The following SIDT1 variants were observed in gnomAD, a reference collection of about 807,000 sequenced individuals.
The protein encoded by SIDT1 is SID1 transmembrane family member 1.
A neutral mutation model predicts 107.5 loss-of-function variants in SIDT1; 101 were observed. The observed-to-expected ratio is 0.94, with a 90% CI of 0.80 to 1.11. SIDT1 has a LOEUF of 1.11. Ranked by LOEUF, SIDT1 falls within the 50% of genes least tolerant of loss-of-function variation. The pLI, the probability that SIDT1 is intolerant of heterozygous loss-of-function variation, is 0.00. For missense variants in SIDT1, 1,076 were observed against 1,058.2 expected (o/e 1.02, Z -0.23); for synonymous variants, 395 against 398.2 (o/e 0.99, Z 0.10).
chr3:113,576,146 T>A (rs1328723478), intron 3 of SIDT1, among the ~76,000 whole-genome samples: 2 of 152,224 alleles, frequency 1.3e-5, no homozygotes, highest in Non-Finnish European at 2.9e-5. Flanking sequence ...ATACTACCAA[T>A]TTATGCTTCC....
Position 113,627,754 on chromosome 3 carries a change from GT to G in SIDT1, c.*49del, listed in dbSNP as rs1444518330. ...GGAGGGAGCGATCAATCTTGGTGCTGTTTCACAAAAATTACAGTGACCACAG... is the reference window on the plus strand; with the variant it reads ...GGAGGGAGCGATCAATCTTGGTGCTGTTCACAAAAATTACAGTGACCACAG... On this transcript the variant is annotated 3_prime_UTR_variant, in exon 25 of 25. Coordinates refer to ENST00000264852, the MANE Select transcript of SIDT1 (RefSeq NM_017699.3). 15 of 1,588,392 alleles carry G rather than the reference GT, an allele frequency of 9.4e-6. No homozygotes were observed. The highest frequency in any genetic ancestry group is 1.2e-5 in the Non-Finnish European group (14 of 1,158,504).
chr3:113,634,851 C>T, the SIDT1 span, among the ~76,000 whole-genome samples: 16 of 152,216 alleles, frequency 1.1e-4, no homozygotes, highest in African/African-American at 3.9e-4. Flanking sequence ...TTCCAAAATA[C>T]GGAAGACATA....
Position 113,626,195 on chromosome 3 carries a change from GCT to G in SIDT1, c.2404_2405del (p.Leu802ValfsTer12), listed in dbSNP as rs1946838014. ...CATCTGGCACTTCCTCTCTGCTACT[GCT>G]CTGTTTTTCTCATTCTTGGTGAGTT... ...HDIWHFLSAT[A>X]LFFSFLVLLT... On this transcript the variant is annotated frameshift_variant, in exon 24 of 25. Coordinates refer to ENST00000264852, the MANE Select transcript of SIDT1 (RefSeq NM_017699.3). LOFTEE classifies it high-confidence loss of function. 2 of 1,612,698 alleles carry G rather than the reference GCT, an allele frequency of 1.2e-6. No individual in the cohort carries two copies. Among genetic ancestry groups the G allele is most frequent in the African/African-American group, 1.3e-5 (1 of 74,844 alleles).
At chr3:113,567,402 C>T in intron 2 of SIDT1, 138 bp from the exon 3 acceptor site, 1 of 652,292 alleles carries the variant, frequency 1.5e-6, no homozygotes, top group Non-Finnish European at 2.6e-6. Flanking sequence ...ATTGATAGTT[C>T]CAGTCTAAAA....
intron 8 of SIDT1, 39 bp from the exon 9 acceptor site, chr3:113,585,138 C>T: frequency 7.1e-7 from 1 of 1,399,952 alleles, no homozygotes; most frequent in Non-Finnish European, 1.0e-6. Context: ...TTCTTTTCTG[C>T]AGAGGATGAC....
chr3:113,573,904 AC>A (rs1490633824), intron 3 of SIDT1, among the ~76,000 whole-genome samples: 6 of 152,186 alleles, frequency 3.9e-5, no homozygotes, highest in African/African-American at 1.4e-4. Context: ...GGTGACTCTT[AC>A]CCTTAGCAAA....
chr3:113,568,606 GAAA>G (rs1942150709), intron 3 of SIDT1, among the ~76,000 whole-genome samples: 1 of 81,130 alleles, frequency 1.2e-5, no homozygotes. Context: ...AAAAAAAAAA[GAAA>G]AGAAAAGAAA....
intron 3 of SIDT1, among the ~76,000 whole-genome samples, chr3:113,572,033 G>T (rs756192158): frequency 6.6e-6 from 1 of 152,212 alleles, no homozygotes; most frequent in Non-Finnish European, 1.5e-5. Flanking sequence ...AAGTTAGAAG[G>T]CTGATGCAGT....
intron 5 of SIDT1, among the ~76,000 whole-genome samples, 194 bp downstream of exon 5, chr3:113,580,903 A>G (rs1943278155): frequency 6.6e-6 from 1 of 152,202 alleles, no homozygotes; most frequent in Non-Finnish European, 1.5e-5. Context: ...GTGGTAAAGA[A>G]TAGTTAACTC....
intron 21 of SIDT1, among the ~76,000 whole-genome samples, chr3:113,623,086 G>A (rs1946575875): frequency 1.3e-5 from 2 of 149,578 alleles, no homozygotes; most frequent in South Asian, 2.1e-4. Context: ...GGATACCAGA[G>A]AGGTTGAAGT....
At chr3:113,611,702 G>A (rs969520292) in intron 18 of SIDT1, among the ~76,000 whole-genome samples, 7 of 152,228 alleles carry the variant, frequency 4.6e-5, no homozygotes, top group South Asian at 2.1e-4. Context: ...CCCGACTCAT[G>A]TGAAAGTGGA....
At chr3:113,581,525 G>T in intron 6 of SIDT1, 81 bp downstream of exon 6, 1 of 1,123,666 alleles carries the variant, frequency 8.9e-7, no homozygotes, top group Non-Finnish European at 1.4e-6. Flanking sequence ...CATCCAAAAG[G>T]GATGGCCATC....
In SIDT1 at chr3:113,545,114, TAAAAAA is replaced by T. The variant is rs554009768; in HGVS notation, c.222+11893_222+11898del. On this transcript the variant is annotated intron_variant, in intron 1 of 24. Transcript: ENST00000264852. ...CGGGCGACAGAGCGAGAGACTCTGTTAAAAAAAAAAAAAAAAAAAAAAAAAAAGTCA... is the reference window on the plus strand; with the variant it reads ...CGGGCGACAGAGCGAGAGACTCTGTTAAAAAAAAAAAAAAAAAAAAAGTCA... Among the ~76,000 whole-genome samples, 68 of 73,970 alleles carry T rather than the reference TAAAAAA, an allele frequency of 9.2e-4. 1 individual carries two copies. The highest frequency in any genetic ancestry group is 3.3e-3 in the African/African-American group (56 of 17,204). 48.5% of individuals were successfully genotyped at this position (73,970 alleles called of 152,430 possible). A position where few individuals can be genotyped will look rare whatever the true frequency, so the allele number is the denominator to read the frequency against.
Position 113,584,430 on chromosome 3 carries a change from C to T in SIDT1, c.836-268C>T, listed in dbSNP as rs59925484. ...CCCCTCTTCATTGGAGAAGGGAGGC[C>T]GCAATCTTGTTTGCATCTGTTAGTG... On this transcript the variant is annotated intron_variant, in intron 7 of 24. Transcript: ENST00000264852. 8.6e-3 allele frequency among the ~76,000 whole-genome samples: 1,311 copies of T among 152,228 alleles called. 14 individuals are homozygous for T. Among genetic ancestry groups the T allele is most frequent in the African/African-American group, 0.03 (1,238 of 41,524 alleles).
At chr3:113,559,585 G>A (rs557931238) in intron 1 of SIDT1, among the ~76,000 whole-genome samples, 7 of 152,186 alleles carry the variant, frequency 4.6e-5, no homozygotes, top group African/African-American at 1.7e-4. Flanking sequence ...GGGACTACAG[G>A]AGCACGCCAC....
At chr3:113,579,221 T>C (rs993981094) in intron 4 of SIDT1, among the ~76,000 whole-genome samples, 1 of 152,190 alleles carries the variant, frequency 6.6e-6, no homozygotes, top group Non-Finnish European at 1.5e-5. Context: ...CTGGTAAAGG[T>C]AGATTGTCAG....
At chr3:113,576,802 G>A in intron 3 of SIDT1, 120 bp from the exon 4 acceptor site, 2 of 1,036,064 alleles carry the variant, frequency 1.9e-6, no homozygotes, top group East Asian at 2.4e-5. Flanking sequence ...CCTCACCAAG[G>A]GTGAAGCTCT....
rs1942221506 is a variant in SIDT1, at chr3:113,569,170, C to CAAAAGAAATG, written c.515+1461_515+1470dup. Among the ~76,000 whole-genome samples the CAAAAGAAATG allele has an allele frequency of 2.1e-5, 3 of 141,464 alleles. No homozygotes were observed. In the South Asian group the frequency reaches 6.8e-4, roughly 32 times the overall value. The allele number at this position is 141,464 out of a possible 152,430, so 92.8% of individuals were successfully genotyped here. A position where few individuals can be genotyped will look rare whatever the true frequency, so the allele number is the denominator to read the frequency against. ...AAAAAAAAAAAAAAAGGAAGCCAGACAAAAGAAATGTATGCTATTTTATTC... is the reference window on the plus strand; with the variant it reads ...AAAAAAAAAAAAAAAGGAAGCCAGACAAAAGAAATGAAAAGAAATGTATGCTATTTTATTC... On this transcript the variant is annotated intron_variant, in intron 3 of 24. Transcript: ENST00000264852.
intron 1 of SIDT1, among the ~76,000 whole-genome samples, chr3:113,556,632 C>T (rs982375166): frequency 2.0e-5 from 3 of 152,094 alleles, no homozygotes; most frequent in African/African-American, 4.8e-5. Flanking sequence ...GAAGTGGTTT[C>T]CTGGGCTCAG....
Sources: gnomAD v4.1 joint callset for allele counts (sites outside exome capture counted in the v4.1 genomes callset) on GRCh38, gnomAD v4.1.1 for gene constraint, MANE v1.5 for transcripts, NCBI Gene and HGNC (gene_info 2026-07-23, HGNC 2026-07-21) for gene names.